TMEM87A: variants seen among roughly 807,000 people sequenced by gnomAD.
The protein encoded by TMEM87A is transmembrane protein 87A.
TMEM87A carries 50 observed loss-of-function variants against 90.0 expected under a neutral mutation model. That is an observed-to-expected ratio of 0.56 (90% CI 0.44 to 0.70). The LOEUF is 0.70. Ranked by LOEUF, TMEM87A falls within the 30% of genes least tolerant of loss-of-function variation. The pLI, the probability that TMEM87A is intolerant of heterozygous loss-of-function variation, is 0.00. For missense variants in TMEM87A, 577 were observed against 660.5 expected, an observed-to-expected ratio of 0.87 and a Z score of 1.39; for synonymous variants, 226 against 226.7, an observed-to-expected ratio of 1.00 and a Z score of 0.03.
chr15:42,218,149 G>T, intron 18 of TMEM87A, 174 bp downstream of exon 18: 1 of 714,230 alleles, frequency 1.4e-6, no homozygotes, highest in Non-Finnish European at 2.3e-6. Context: ...TTTCTAAGCA[G>T]AAATGTCATC....
chr15:42,251,473 G>A (rs1406683627), intron 6 of TMEM87A, among the ~76,000 whole-genome samples: 1 of 152,220 alleles, frequency 6.6e-6, no homozygotes, highest in African/African-American at 2.4e-5. Context: ...TTTTCTGTTT[G>A]TTAGTTTTCC....
intron 6 of TMEM87A, among the ~76,000 whole-genome samples, chr15:42,246,453 A>C (rs1366008105): frequency 6.6e-6 from 1 of 151,382 alleles, no homozygotes; most frequent in Non-Finnish European, 1.5e-5. Flanking sequence ...CCAGCCCCCG[A>C]CCCGACGACA....
At position 42,217,920 on chromosome 15, in the gene TMEM87A, A is replaced by G; in HGVS notation, c.1596-87T>C. ...AAGACAATGGAATAATGCAATTAAA[A>G]GCTTTATAATTATCTAAGATTTGCA... On this transcript the variant is annotated intron_variant, in intron 18 of 19. Coordinates refer to ENST00000389834, the MANE Select transcript of TMEM87A (RefSeq NM_015497.5). 3.7e-6 allele frequency: 5 copies of G among 1,337,296 alleles called. No individual in the cohort carries two copies. The South Asian group carries it at 6.7e-5, about 18-fold the overall frequency. The allele number at this position is 1,337,296 out of a possible 1,614,324, so 82.8% of individuals were successfully genotyped here.
At chr15:42,244,398 T>C (rs1418147136) in intron 6 of TMEM87A, among the ~76,000 whole-genome samples, 1 of 151,992 alleles carries the variant, frequency 6.6e-6, no homozygotes, top group Admixed American at 6.6e-5. Flanking sequence ...AAAAATCACA[T>C]TTAACATATT....
At chr15:42,227,805 T>C (rs772426982) in intron 13 of TMEM87A, 36 bp from the exon 14 acceptor site, 2 of 1,596,456 alleles carry the variant, frequency 1.3e-6, no homozygotes, top group Non-Finnish European at 1.7e-6. Context: ...AGAGTATGAA[T>C]GCTGGTTTAC....
In TMEM87A at chr15:42,239,728, G is replaced by C; in HGVS notation, c.626C>G (p.Thr209Ser). Residue 209 changes from threonine to serine, a missense_variant, in exon 8 of 20, where the codon ACT (threonine) becomes AGT (serine). Thr to Ser is a moderately conservative substitution (Grantham distance 58). Transcript: ENST00000389834. ...TTCATAGGGACCCTTCACTTCAACA[G>C]TCACTGCCAAAACAGAGTCCTCAGA... ...ENSLSNLFTM[T>S]VEVKGPYEYL... The C allele has an allele frequency of 6.2e-7, 1 of 1,613,418 alleles. No homozygotes were observed.
In TMEM87A at chr15:42,261,424, C is replaced by A. The variant is rs551527484; in HGVS notation, c.406-175G>T. 2.6e-5 allele frequency among the ~76,000 whole-genome samples: 4 copies of A among 152,146 alleles called. No individual in the cohort carries two copies. In the East Asian group the frequency reaches 7.7e-4, roughly 29 times the overall value. ...TTAACCACAAACAAGTGAATAAAAC[C>A]CTGCTGGGAACTAGAAAATAGTATC... On this transcript the variant is annotated intron_variant, in intron 4 of 19. Coordinates refer to ENST00000389834, the MANE Select transcript of TMEM87A (RefSeq NM_015497.5).
At chr15:42,252,231 G>A (rs781403069) in intron 6 of TMEM87A, among the ~76,000 whole-genome samples, 5 of 152,146 alleles carry the variant, frequency 3.3e-5, no homozygotes, top group Non-Finnish European at 5.9e-5. Flanking sequence ...GCCCTGCTTC[G>A]GCTTGCCCTC....
intron 15 of TMEM87A, among the ~76,000 whole-genome samples, chr15:42,221,263 GAC>G (rs747402862): frequency 3.6e-5 from 1 of 27,836 alleles, no homozygotes; most frequent in East Asian, 1.3e-3. Flanking sequence ...AGAAAGGAGA[GAC>G]AGAGACAGAG....
At chr15:42,248,826 T>C (rs2051029297) in intron 6 of TMEM87A, among the ~76,000 whole-genome samples, 1 of 152,234 alleles carries the variant, frequency 6.6e-6, no homozygotes, top group Non-Finnish European at 1.5e-5. Context: ...ATTCCCTCTT[T>C]TTCTATTGGT....
In TMEM87A at chr15:42,248,425, TA is replaced by T. The variant is rs1278914286; in HGVS notation, c.505-4259del. On this transcript the variant is annotated intron_variant, in intron 6 of 19. Coordinates refer to ENST00000389834, the MANE Select transcript of TMEM87A (RefSeq NM_015497.5). ...TATGATATTGGCTGTGGGTTTGTCA[TA>T]AATAGCTCTTATTATTTTGACATAC... Among the ~76,000 whole-genome samples, 4 of 152,184 alleles carry T rather than the reference TA, an allele frequency of 2.6e-5. No individual in the cohort carries two copies. In the East Asian group the frequency reaches 7.7e-4, roughly 29 times the overall value.
chr15:42,232,598 C>T (rs980067912), intron 11 of TMEM87A, among the ~76,000 whole-genome samples: 4 of 152,070 alleles, frequency 2.6e-5, no homozygotes, highest in African/African-American at 7.2e-5. Flanking sequence ...CTCAGTCTCC[C>T]AAGTAGCTGG....
chr15:42,234,199 G>A (rs1442047267), intron 10 of TMEM87A, among the ~76,000 whole-genome samples: 2 of 152,110 alleles, frequency 1.3e-5, no homozygotes, highest in Non-Finnish European at 2.9e-5. Context: ...ATATTTGCAA[G>A]CTCGAAACCT....
chr15:42,225,030 A>G (rs545791503), intron 15 of TMEM87A, among the ~76,000 whole-genome samples: 1 of 152,356 alleles, frequency 6.6e-6, no homozygotes, highest in East Asian at 1.9e-4. Flanking sequence ...TCCAGAATGT[A>G]AAAGTTCTTT....
intron 19 of TMEM87A, among the ~76,000 whole-genome samples, chr15:42,217,099 G>A (rs894621277): frequency 6.6e-6 from 1 of 151,774 alleles, no homozygotes; most frequent in South Asian, 2.1e-4. Context: ...GACTACAGGT[G>A]TATGCCACCA....
At chr15:42,273,169 T>C in intron 1 of TMEM87A, 86 bp downstream of exon 1, 2 of 1,545,730 alleles carry the variant, frequency 1.3e-6, no homozygotes. Flanking sequence ...GAAGAGACTT[T>C]TGCGGAACCT....
At chr15:42,214,455 A>G (rs1467467113) in intron 19 of TMEM87A, among the ~76,000 whole-genome samples, 1 of 152,226 alleles carries the variant, frequency 6.6e-6, no homozygotes, top group Non-Finnish European at 1.5e-5. Flanking sequence ...AACAGAATTT[A>G]ACGGCACGTT....
intron 12 of TMEM87A, 131 bp downstream of exon 12, chr15:42,231,059 CTT>C (rs1200920745): frequency 6.9e-6 from 5 of 723,392 alleles, no homozygotes; most frequent in Non-Finnish European, 1.1e-5. Flanking sequence ...GTTGTTAAGA[CTT>C]AGCATGCACT....
intron 2 of TMEM87A, 118 bp downstream of exon 2, chr15:42,271,945 T>C: frequency 1.2e-6 from 1 of 817,678 alleles, no homozygotes; most frequent in South Asian, 1.8e-5. Context: ...ACTAAAAATA[T>C]TTATACCTAG....
Sources: allele counts gnomAD v4.1 joint callset (sites outside exome capture counted in the v4.1 genomes callset), GRCh38; gene constraint gnomAD v4.1.1; transcripts MANE v1.5; gene names NCBI Gene and HGNC (gene_info 2026-07-23, HGNC 2026-07-21).